The following ZNF469 variants were observed in gnomAD, a reference collection of about 807,000 sequenced individuals.
The protein encoded by ZNF469 is zinc finger protein 469.
In ZNF469, 1 loss-of-function variant was observed where a neutral mutation model predicts 1.0. The ratio of observed to expected loss-of-function variants is 1.00; its 90% confidence interval spans 0.35 to 4.73. The LOEUF (loss-of-function observed/expected upper bound fraction) is 4.73. Ranked by LOEUF, ZNF469 falls within the 30% of genes most tolerant of loss-of-function variation. ZNF469 has a pLI of 0.16. For synonymous variants in ZNF469, 2,703 were observed against 2,363.4 expected, an observed-to-expected ratio of 1.14 and a Z score of -4.17; for missense variants, 6,100 against 5,356.3, an observed-to-expected ratio of 1.14 and a Z score of -4.33.
chr16:88,124,108 C>T, the ZNF469 span, among the ~76,000 whole-genome samples: 1 of 151,312 alleles, frequency 6.6e-6, no homozygotes, highest in Non-Finnish European at 1.5e-5. Context: ...CAGCCAGTTT[C>T]ACTCATTTTT....
chr16:88,164,877 G>A, the ZNF469 span, among the ~76,000 whole-genome samples: 5 of 152,326 alleles, frequency 3.3e-5, no homozygotes, highest in African/African-American at 9.6e-5. Flanking sequence ...GACACTTCCC[G>A]TGGGGTTGGA....
chr16:88,251,536 G>GTGTTTTTTTTTTTTTTT, the ZNF469 span, among the ~76,000 whole-genome samples: 31 of 78,800 alleles, frequency 3.9e-4, 4 homozygotes, highest in Non-Finnish European at 5.8e-4. Context: ...TGTCCCTGCT[G>GTGTTTTTTTTTTTTTTT]TCTTTTTTTT....
the ZNF469 span, among the ~76,000 whole-genome samples, chr16:88,356,213 G>A: frequency 1.3e-5 from 2 of 152,194 alleles, no homozygotes; most frequent in Non-Finnish European, 2.9e-5. Context: ...GGCACAGAGA[G>A]TTCAATGTGG....
At chr16:88,290,476 C>A in the ZNF469 span, among the ~76,000 whole-genome samples, 1 of 152,164 alleles carries the variant, frequency 6.6e-6, no homozygotes, top group Non-Finnish European at 1.5e-5. Flanking sequence ...CAGTTCAGAG[C>A]CATGTTCAGG....
the ZNF469 span, among the ~76,000 whole-genome samples, chr16:88,325,786 C>G: frequency 6.6e-6 from 1 of 152,208 alleles, no homozygotes; most frequent in African/African-American, 2.4e-5. Context: ...CTGGTCCTTC[C>G]TTCCCCTCTT....
At chr16:88,139,688 C>T in the ZNF469 span, among the ~76,000 whole-genome samples, 11 of 151,954 alleles carry the variant, frequency 7.2e-5, no homozygotes, top group African/African-American at 2.7e-4. Flanking sequence ...AAAAGTGGAT[C>T]TGAAACCTTT....
At chr16:88,289,897 A>G in the ZNF469 span, among the ~76,000 whole-genome samples, 1 of 152,234 alleles carries the variant, frequency 6.6e-6, no homozygotes, top group Non-Finnish European at 1.5e-5. Context: ...TTGCCTAACC[A>G]GAAAATAGCT....
the ZNF469 span, among the ~76,000 whole-genome samples, chr16:88,111,957 C>T: frequency 7.6e-4 from 116 of 152,290 alleles, no homozygotes; most frequent in African/African-American, 2.7e-3. Flanking sequence ...TTTTTCTTTC[C>T]ATCCCTTGAT....
chr16:88,397,444 G>T (rs920023770), intron 1 of ZNF469, among the ~76,000 whole-genome samples: 3 of 151,460 alleles, frequency 2.0e-5, no homozygotes, highest in Non-Finnish European at 2.9e-5. Flanking sequence ...GCTGAGGAAG[G>T]CTGGCTAAAG....
At chr16:88,346,827 A>G in the ZNF469 span, among the ~76,000 whole-genome samples, 11 of 152,316 alleles carry the variant, frequency 7.2e-5, no homozygotes, top group East Asian at 2.1e-3. Context: ...GGACCTGCCC[A>G]CTGCTGGACT....
At chr16:88,125,026 A>G in the ZNF469 span, among the ~76,000 whole-genome samples, 2 of 152,172 alleles carry the variant, frequency 1.3e-5, no homozygotes, top group Non-Finnish European at 2.9e-5. Flanking sequence ...AAGCTTTTAT[A>G]ATTAGATCTA....
the ZNF469 span, among the ~76,000 whole-genome samples, chr16:88,175,520 A>C: frequency 6.6e-6 from 1 of 152,260 alleles, no homozygotes; most frequent in African/African-American, 2.4e-5. Flanking sequence ...TAATTTAACT[A>C]GTTATCAGTA....
the ZNF469 span, among the ~76,000 whole-genome samples, chr16:88,344,852 C>G: frequency 2.6e-5 from 4 of 152,356 alleles, no homozygotes; most frequent in East Asian, 7.7e-4. Flanking sequence ...CACATTGGCT[C>G]TGGGTCCCGC....
At chr16:88,324,658 T>C in the ZNF469 span, among the ~76,000 whole-genome samples, 1 of 152,224 alleles carries the variant, frequency 6.6e-6, no homozygotes, top group Non-Finnish European at 1.5e-5. Context: ...TAAGGGACTG[T>C]AGCTGTTTTT....
chr16:88,239,686 T>C, the ZNF469 span, among the ~76,000 whole-genome samples: 295 of 5,230 alleles, frequency 0.056, 20 homozygotes, highest in African/African-American at 0.2. Context: ...TATATATATA[T>C]ATATATATAT....
chr16:88,195,067 A>T, the ZNF469 span: 1 of 152,368 alleles, frequency 6.6e-6, no homozygotes, highest in East Asian at 1.9e-4. Flanking sequence ...CGCCTTTCAG[A>T]TCTGACGGGA....
the ZNF469 span, among the ~76,000 whole-genome samples, chr16:88,137,132 A>T: frequency 6.6e-6 from 1 of 152,224 alleles, no homozygotes; most frequent in Non-Finnish European, 1.5e-5. Context: ...ATGTGCACAT[A>T]CAACCGTGCA....
chr16:88,380,495 A>G (rs1385685991), upstream of ZNF469, among the ~76,000 whole-genome samples: 10 of 86,980 alleles, frequency 1.1e-4, no homozygotes, highest in Non-Finnish European at 1.5e-4. Flanking sequence ...GCACACACAC[A>G]TGCACTCACA....
the ZNF469 span, among the ~76,000 whole-genome samples, chr16:88,164,249 G>T: frequency 6.6e-6 from 1 of 151,988 alleles, no homozygotes; most frequent in Non-Finnish European, 1.5e-5. Flanking sequence ...ATGAATAGTT[G>T]GGTAGATGGG....
Sources: gnomAD v4.1 joint callset for allele counts (sites outside exome capture counted in the v4.1 genomes callset) on GRCh38, gnomAD v4.1.1 for gene constraint, MANE v1.5 for transcripts, NCBI Gene and HGNC (gene_info 2026-07-23, HGNC 2026-07-21) for gene names.